GPM6B: variants seen among roughly 807,000 people sequenced by gnomAD.
GPM6B encodes glycoprotein M6B, also known as neuronal membrane glycoprotein M6-b.
GPM6B carries 4 observed loss-of-function variants against 27.2 expected under a neutral mutation model. The observed-to-expected ratio is 0.15, with a 90% CI of 0.07 to 0.34. GPM6B has a LOEUF of 0.34. Among genes scored for constraint, GPM6B ranks in the 10% least tolerant of loss-of-function variants. The pLI, the probability that GPM6B is intolerant of heterozygous loss-of-function variation, is 1.00. For synonymous variants in GPM6B, 124 were observed against 103.1 expected (o/e 1.20, Z -1.23); for missense variants, 183 against 261.9 (o/e 0.70, Z 2.08).
chrX:13,780,886 C>T, intron 4 of GPM6B: 1 of 294,608 alleles, frequency 3.4e-6, no homozygotes, highest in Admixed American at 3.6e-5. Context: ...CTGATGGTCA[C>T]CCCTAACTTT....
chrX:13,802,051 G>C (rs774397504), intron 2 of GPM6B, among the ~76,000 whole-genome samples: 1 of 111,461 alleles, frequency 9.0e-6, no homozygotes, highest in African/African-American at 3.3e-5. Flanking sequence ...GAAGACCTAA[G>C]TGGCTGATTT....
At position 13,785,684 on chromosome X, in the gene GPM6B, G is replaced by A. The variant is rs1267932844; in HGVS notation, c.306C>T (p.Thr102=). 13 of 1,209,903 alleles carry A rather than the reference G, an allele frequency of 1.1e-5. No individual in the cohort carries two copies. The highest frequency in any genetic ancestry group is 5.9e-5 in the East Asian group (2 of 33,783). Residue 102 remains threonine, a synonymous_variant, in exon 3 of 8, where the codon ACC becomes ACT. Coordinates refer to ENST00000316715, the MANE Select transcript of GPM6B (RefSeq NM_001001995.3). ...CGCGHVALAG[T]VAILEQHFST... ...AGAAGTGTTGCTCAAGAATCGCCAC[G>A]GTGCCTGCGAGAGCCACATGCCCAC...
intron 1 of GPM6B, among the ~76,000 whole-genome samples, chrX:13,871,414 T>C (rs1389946728): frequency 1.8e-5 from 2 of 112,360 alleles, no homozygotes; most frequent in African/African-American, 6.5e-5. Context: ...TTAATTGGCT[T>C]GGGAAAGGCC....
chrX:13,783,077 C>G (rs769436809), intron 4 of GPM6B, among the ~76,000 whole-genome samples: 1 of 112,513 alleles, frequency 8.9e-6, no homozygotes, highest in East Asian at 2.8e-4. Context: ...TGAAAGTTAC[C>G]TCCTTCTATA....
intron 1 of GPM6B, among the ~76,000 whole-genome samples, chrX:13,935,375 G>T (rs1430163600): frequency 9.7e-6 from 1 of 102,947 alleles, no homozygotes; most frequent in African/African-American, 3.8e-5. Context: ...GCTTAATCGG[G>T]CATGGTGACA....
chrX:13,917,771 T>C (rs1259945920), intron 1 of GPM6B, among the ~76,000 whole-genome samples: 1 of 112,408 alleles, frequency 8.9e-6, no homozygotes, highest in Non-Finnish European at 1.9e-5. Flanking sequence ...ATATCATTTA[T>C]GGTTTATTCT....
At chrX:13,810,230 C>T (rs1290280945) in intron 1 of GPM6B, among the ~76,000 whole-genome samples, 1 of 111,921 alleles carries the variant, frequency 8.9e-6, no homozygotes, top group African/African-American at 3.2e-5. Flanking sequence ...GCAAGAAAAC[C>T]CAGTGGGGCT....
intron 1 of GPM6B, among the ~76,000 whole-genome samples, chrX:13,830,261 G>A (rs1392158900): frequency 1.8e-5 from 2 of 111,903 alleles, no homozygotes; most frequent in East Asian, 5.6e-4. Context: ...GGTGTGAACA[G>A]TCCTAAAGGT....
intron 1 of GPM6B, among the ~76,000 whole-genome samples, chrX:13,885,651 G>A (rs185897502): frequency 1.5e-3 from 170 of 111,410 alleles, no homozygotes; most frequent in Non-Finnish European, 7.5e-4. Flanking sequence ...GCTTCGGAAG[G>A]ATGCAAAGGT....
Position 13,931,432 on chromosome X carries a change from G to A in GPM6B, c.-198+6895C>T, listed in dbSNP as rs749790991. Among the ~76,000 whole-genome samples the A allele has an allele frequency of 1.1e-4, 12 of 108,924 alleles. 1 individual carries two copies. The East Asian group carries it at 2.3e-3, about 21-fold the overall frequency. The allele number at this position is 108,924 out of a possible 115,157, so 94.6% of individuals were successfully genotyped here. A position where few individuals can be genotyped will look rare whatever the true frequency, so the allele number is the denominator to read the frequency against. On this transcript the variant is annotated intron_variant, in intron 1 of 6. Transcript: ENST00000398361. ...GAACCCAGGAGGCAGAGCTTGCAGT[G>A]AGCCGAGATCGCACCACTGCACTCC...
chrX:13,916,662 A>AAT (rs1191361815), intron 1 of GPM6B, among the ~76,000 whole-genome samples: 2 of 35,979 alleles, frequency 5.6e-5, no homozygotes, highest in Non-Finnish European at 1.3e-4. Context: ...TTAGTTTATT[A>AAT]ATGTGTGTGT....
intron 1 of GPM6B, among the ~76,000 whole-genome samples, chrX:13,862,941 C>T (rs1046568602): frequency 1.8e-5 from 2 of 110,645 alleles, no homozygotes; most frequent in Non-Finnish European, 3.8e-5. Flanking sequence ...AGGCAATCCT[C>T]CCACCTTGGT....
chrX:13,777,258 A>G, intron 6 of GPM6B, 94 bp downstream of exon 6: 1 of 623,732 alleles, frequency 1.6e-6, no homozygotes, highest in Non-Finnish European at 2.7e-6. Flanking sequence ...CCTTAATGGC[A>G]TTTTAACCAT....
intron 1 of GPM6B, among the ~76,000 whole-genome samples, chrX:13,919,532 T>A (rs1026241332): frequency 8.9e-6 from 1 of 112,097 alleles, no homozygotes; most frequent in African/African-American, 3.2e-5. Context: ...TAGGAATAAG[T>A]AAACTGTATA....
At chrX:13,881,624 T>G (rs377307521) in intron 1 of GPM6B, among the ~76,000 whole-genome samples, 40 of 72,526 alleles carry the variant, frequency 5.5e-4, no homozygotes, top group Middle Eastern at 6.1e-3. Flanking sequence ...CTGAGGCCTT[T>G]GTTTTAGTTT....
In GPM6B at chrX:13,897,963, A is replaced by G. The variant is rs777447160; in HGVS notation, c.-198+40364T>C. 3.6e-5 allele frequency among the ~76,000 whole-genome samples: 4 copies of G among 112,107 alleles called. No individual in the cohort carries two copies. The East Asian group carries it at 1.1e-3, about 31-fold the overall frequency. ...GCTTAACTGCATTTCTTTATATTAC[A>G]ATTAACTTACTTCCCCATATCAGTT... is the stretch of plus-strand genomic sequence containing the variant. On this transcript the variant is annotated intron_variant, in intron 1 of 6. Transcript: ENST00000398361.
At chrX:13,872,667 GAAAA>G (rs35999855) in intron 1 of GPM6B, among the ~76,000 whole-genome samples, 1 of 99,853 alleles carries the variant, frequency 1.0e-5, no homozygotes, top group Non-Finnish European at 2.0e-5. Context: ...TATAGAGTAA[GAAAA>G]AAAAAAAAGA....
At chrX:13,907,411 C>T (rs1272418017) in intron 1 of GPM6B, among the ~76,000 whole-genome samples, 1 of 112,499 alleles carries the variant, frequency 8.9e-6, no homozygotes, top group Non-Finnish European at 1.9e-5. Flanking sequence ...CGGCTGGGCA[C>T]AGTGGCTCAC....
In GPM6B at chrX:13,816,884, A is replaced by G. The variant is rs1383527703; in HGVS notation, c.21T>C (p.Thr7=). The G allele has an allele frequency of 8.3e-7, 1 of 1,208,108 alleles. No individual in the cohort carries two copies. Among genetic ancestry groups the G allele is most frequent in the Non-Finnish European group, 1.1e-6 (1 of 893,966 alleles). ...TTTGTTCAGTATTTTCCTCGGCTGC[A>G]GTTTCCATGGCTGGCTTCATACCAT... MKPAME[T]AAEENTEQSQ... Residue 7 remains threonine (T), a synonymous_variant, in exon 1 of 8, where the codon ACT becomes ACC. Coordinates refer to ENST00000316715, the MANE Select transcript of GPM6B (RefSeq NM_001001995.3).
Sources: allele counts gnomAD v4.1 joint callset (sites outside exome capture counted in the v4.1 genomes callset), GRCh38; gene constraint gnomAD v4.1.1; transcripts MANE v1.5; gene names NCBI Gene and HGNC (gene_info 2026-07-23, HGNC 2026-07-21).